Variants in MLIP observed in about 807,000 individuals in gnomAD.
MLIP encodes the protein muscular LMNA interacting protein, also known as muscular LMNA-interacting protein.
A neutral mutation model predicts 84.8 loss-of-function variants in MLIP; 79 were observed. The observed-to-expected ratio is 0.93, with a 90% CI of 0.78 to 1.12. The LOEUF (loss-of-function observed/expected upper bound fraction) is 1.12, where lower values mean the gene tolerates loss of function less well. MLIP is among the 50% of genes most tolerant of loss of function. MLIP has a pLI of 0.00. For missense variants in MLIP, 1,257 were observed against 1,160.6 expected (o/e 1.08, Z -1.21); for synonymous variants, 504 against 463.0 (o/e 1.09, Z -1.14).
chr6:54,189,718 T>C (rs980421293), intron 9 of MLIP, 152 bp from the exon 10 acceptor site: 2 of 600,660 alleles, frequency 3.3e-6, no homozygotes, highest in South Asian at 4.5e-5. Flanking sequence ...AATCATTTCT[T>C]TGGTGGCATA....
At chr6:54,186,096 T>C (rs1777363382) in intron 9 of MLIP, among the ~76,000 whole-genome samples, 1 of 152,210 alleles carries the variant, frequency 6.6e-6, no homozygotes, top group Admixed American at 6.5e-5. Flanking sequence ...AAGGACTTCA[T>C]CATTTGTACA....
At chr6:54,223,601 A>G (rs1780371178) in intron 11 of MLIP, among the ~76,000 whole-genome samples, 1 of 152,056 alleles carries the variant, frequency 6.6e-6, no homozygotes, top group Non-Finnish European at 1.5e-5. Context: ...TGACAGTGCC[A>G]TACTGTTTTG....
chr6:54,038,252 A>C (rs1457572467), intron 1 of MLIP, among the ~76,000 whole-genome samples: 1 of 151,964 alleles, frequency 6.6e-6, no homozygotes, highest in Non-Finnish European at 1.5e-5. Flanking sequence ...TTTGATCAGA[A>C]GGCCTGAAAC....
At chr6:54,166,290 C>T (rs999075433) in intron 8 of MLIP, among the ~76,000 whole-genome samples, 1 of 151,772 alleles carries the variant, frequency 6.6e-6, no homozygotes, top group African/African-American at 2.4e-5. Flanking sequence ...AGATCATTAA[C>T]CAAGATTAAG....
intron 11 of MLIP, chr6:54,203,476 T>C (rs1778828916): frequency 6.6e-6 from 1 of 152,200 alleles, no homozygotes; most frequent in South Asian, 2.1e-4. Context: ...AAATTATAAT[T>C]ACATTTATAT....
chr6:54,133,783 A>T (rs1771582318), intron 3 of MLIP, among the ~76,000 whole-genome samples: 1 of 152,174 alleles, frequency 6.6e-6, no homozygotes, highest in Non-Finnish European at 1.5e-5. Context: ...AGCACATTTC[A>T]TCTTCTGTTA....
chr6:54,184,314 G>A (rs1232357377), intron 9 of MLIP, among the ~76,000 whole-genome samples: 1 of 152,116 alleles, frequency 6.6e-6, no homozygotes, highest in Non-Finnish European at 1.5e-5. Context: ...GGCAAAAAAA[G>A]CATGCTAAAA....
At chr6:54,090,528 C>T (rs1438680379) in intron 1 of MLIP, among the ~76,000 whole-genome samples, 1 of 152,144 alleles carries the variant, frequency 6.6e-6, no homozygotes, top group Non-Finnish European at 1.5e-5. Context: ...ATCCTACTGA[C>T]TTCAAGACAG....
Position 54,124,707 on chromosome 6 carries a change from G to T in MLIP, c.487G>T (p.Gly163Trp), listed in dbSNP as rs188878543. Residue 163 changes from glycine to tryptophan, a missense_variant, in exon 3 of 14, where the codon GGG becomes TGG. By Grantham distance (184) the Gly-to-Trp change is radical. Coordinates refer to ENST00000502396, the MANE Select transcript of MLIP (RefSeq NM_001281747.2). ...CAGAAAAGTTGAACAAGGCCCCCCA[G>T]GGGGGATTGGCACCGCAGCTGTCCG... is the stretch of plus-strand genomic sequence containing the variant. ...ASRKVEQGPP[G>W]GIGTAAVRPK... The T allele has an allele frequency of 1.2e-6, 2 of 1,614,142 alleles. No homozygotes were observed. Among genetic ancestry groups the T allele is most frequent in the Admixed American group, 3.3e-5 (2 of 60,026 alleles).
At position 54,137,884 on chromosome 6, in the gene MLIP, TTCTTCAG is replaced by T. The variant is rs1771954884; in HGVS notation, c.1816_1822del (p.Ser606ArgfsTer13). On this transcript the variant is annotated frameshift_variant, in exon 4 of 14. Transcript: ENST00000502396. LOFTEE classifies it high-confidence loss of function. Reference sequence around the variant, plus strand: ...CTATTAATCAAAGAGCTACGTTCTCTTCTTCAGAGAAATGTTTCCATCCTTCCCCAGC... The same window carrying T: ...CTATTAATCAAAGAGCTACGTTCTCTAGAAATGTTTCCATCCTTCCCCAGC... The T allele has an allele frequency of 6.5e-7, 1 of 1,536,022 alleles. No homozygotes were observed. The highest frequency in any genetic ancestry group is 8.7e-7 in the Non-Finnish European group (1 of 1,146,914).
chr6:54,182,511 T>C (rs1417552881), intron 9 of MLIP, among the ~76,000 whole-genome samples: 16 of 152,130 alleles, frequency 1.1e-4, no homozygotes, highest in Admixed American at 1.0e-3. Context: ...CTTGAGAGGG[T>C]GGTTTTCTAT....
At chr6:54,135,719 T>C (rs1330142576) in intron 3 of MLIP, among the ~76,000 whole-genome samples, 1 of 152,118 alleles carries the variant, frequency 6.6e-6, no homozygotes, top group Admixed American at 6.5e-5. Context: ...CTTTTATATA[T>C]TGACATAATC....
At chr6:54,058,905 T>G (rs1397166920) in intron 1 of MLIP, 1 of 152,184 alleles carries the variant, frequency 6.6e-6, no homozygotes, top group Non-Finnish European at 1.5e-5. Flanking sequence ...GAGAAAGATA[T>G]GTGGAAATTG....
intron 3 of MLIP, among the ~76,000 whole-genome samples, chr6:54,126,717 T>A (rs1324856242): frequency 6.6e-6 from 1 of 152,118 alleles, no homozygotes; most frequent in Non-Finnish European, 1.5e-5. Context: ...TATAGTGAAC[T>A]GTAATGTACA....
In MLIP at chr6:54,261,635, A is replaced by C. The variant is rs191954496; in HGVS notation, c.2976+4274A>C. 1.8e-3 allele frequency: 1,781 copies of C among 985,108 alleles called. 3 individuals are homozygous for C. The highest frequency in any genetic ancestry group is 2.0e-3 in the Non-Finnish European group (1,681 of 829,718). 61.0% of individuals were successfully genotyped at this position (985,108 alleles called of 1,614,324 possible). Reference sequence around the variant, plus strand: ...GAGTTTATTTTATTTTGAATTTCAGAACCTCCACTGATGTCTAAGGTTCTA... The same window carrying C: ...GAGTTTATTTTATTTTGAATTTCAGCACCTCCACTGATGTCTAAGGTTCTA... On this transcript the variant is annotated intron_variant, in intron 13 of 13. Transcript: ENST00000502396.
chr6:54,081,929 G>A (rs192709795), intron 1 of MLIP, among the ~76,000 whole-genome samples: 8 of 152,118 alleles, frequency 5.3e-5, no homozygotes, highest in Admixed American at 5.2e-4. Context: ...GACAAATAAT[G>A]AATTTTCAAT....
At chr6:54,220,828 G>A (rs946342537) in intron 11 of MLIP, among the ~76,000 whole-genome samples, 1 of 152,074 alleles carries the variant, frequency 6.6e-6, no homozygotes, top group Non-Finnish European at 1.5e-5. Flanking sequence ...AGAAAATTCT[G>A]GAGGCATAAT....
chr6:54,180,550 G>T (rs572366214), intron 9 of MLIP, among the ~76,000 whole-genome samples: 1 of 152,170 alleles, frequency 6.6e-6, no homozygotes, highest in East Asian at 1.9e-4. Context: ...CTCTGACTTT[G>T]CACATTTTCA....
chr6:54,056,902 AT>A (rs1765693470), intron 1 of MLIP, among the ~76,000 whole-genome samples: 1 of 152,224 alleles, frequency 6.6e-6, no homozygotes, highest in African/African-American at 2.4e-5. Context: ...CATCTCTACC[AT>A]GATTTGTACA....
Sources: gnomAD v4.1 joint callset for allele counts (sites outside exome capture counted in the v4.1 genomes callset) on GRCh38, gnomAD v4.1.1 for gene constraint, MANE v1.5 for transcripts, NCBI Gene and HGNC (gene_info 2026-07-23, HGNC 2026-07-21) for gene names.